Variants in PKHD1L1 observed in about 807,000 individuals in gnomAD.
PKHD1L1 encodes fibrocystin-L.
In PKHD1L1, 434 loss-of-function variants were observed where a neutral mutation model predicts 462.9. The ratio of observed to expected loss-of-function variants is 0.94; its 90% confidence interval spans 0.87 to 1.02. PKHD1L1 has a LOEUF of 1.02. Ranked by LOEUF, PKHD1L1 falls within the 50% of genes least tolerant of loss-of-function variation. The pLI, the probability that PKHD1L1 is intolerant of heterozygous loss-of-function variation, is 0.00. For synonymous variants in PKHD1L1, 1,781 were observed against 1,750.0 expected (o/e 1.02, Z -0.44); for missense variants, 5,202 against 5,096.1 (o/e 1.02, Z -0.63).
At chr8:109,477,164 T>C in intron 52 of PKHD1L1, 61 bp from the exon 53 acceptor site, 1 of 1,543,282 alleles carries the variant, frequency 6.5e-7, no homozygotes, top group South Asian at 1.2e-5. Flanking sequence ...TCCATAATTT[T>C]GTTTACATTC....
Position 109,408,130 on chromosome 8 carries a change from C to T in PKHD1L1, c.1895C>T (p.Pro632Leu), listed in dbSNP as rs768640088. The change falls in exon 18 of 78, where the codon CCC becomes CTC. Residue 632 changes from proline (P) to leucine (L), a missense_variant. Physicochemically the swap from Pro to Leu is moderately conservative, Grantham distance 98 (BLOSUM62 -3). Around this residue, in one of 3 missense-constraint regions of PKHD1L1, gnomAD observed 4,497 missense variants for 4,336.8 expected, o/e 1.04. Coordinates refer to ENST00000378402, the MANE Select transcript of PKHD1L1 (RefSeq NM_177531.6). The part of the protein sequence containing the change: ...LDITEQTKGK[P>L]NLETFTLNWD... Reference sequence around the variant, plus strand: ...ATTACAGAACAAACCAAAGGAAAACCCAACTTGGAGACATTCACACTGAAT... The same window carrying T: ...ATTACAGAACAAACCAAAGGAAAACTCAACTTGGAGACATTCACACTGAAT... The T allele has an allele frequency of 8.1e-6, 13 of 1,612,978 alleles. No homozygotes were observed. The Admixed American group carries it at 2.2e-4, about 27-fold the overall frequency.
At chr8:109,488,366 C>A (rs1818661176) in intron 59 of PKHD1L1, among the ~76,000 whole-genome samples, 1 of 151,970 alleles carries the variant, frequency 6.6e-6, no homozygotes, top group Non-Finnish European at 1.5e-5. Context: ...ACTCAGAATG[C>A]TCCATTATTG....
At position 109,534,461 on chromosome 8, in the gene PKHD1L1, CA is replaced by C. The variant is rs1167852422; in HGVS notation, c.*4382del. Among the ~76,000 whole-genome samples, 59 of 144,320 alleles carry C rather than the reference CA, an allele frequency of 4.1e-4. No individual in the cohort carries two copies. Among genetic ancestry groups the C allele is most frequent in the African/African-American group, 8.6e-4 (34 of 39,424 alleles). 94.7% of individuals were successfully genotyped at this position (144,320 alleles called of 152,430 possible). Reference sequence around the variant, plus strand: ...CTGGGTGACAGAGCGAGACACATCTCAAAAAAAAAAACCCAAAAAACTTTAA... The same window carrying C: ...CTGGGTGACAGAGCGAGACACATCTCAAAAAAAAAACCCAAAAAACTTTAA... On this transcript the variant is annotated 3_prime_UTR_variant, in exon 78 of 78. Transcript: ENST00000378402.
At position 109,464,482 on chromosome 8, in the gene PKHD1L1, C is replaced by T. The variant is rs758602334; in HGVS notation, c.7650C>T (p.Thr2550=). The T allele has an allele frequency of 2.5e-6, 4 of 1,613,670 alleles. No homozygotes were observed. Among genetic ancestry groups the T allele is most frequent in the East Asian group, 2.2e-5 (1 of 44,866 alleles). The change falls in exon 49 of 78, where the codon ACC becomes ACT. Residue 2550 remains threonine, a synonymous_variant. Coordinates refer to ENST00000378402, the MANE Select transcript of PKHD1L1 (RefSeq NM_177531.6). ...YNLAVFVQQS[T]SLLNDDVTPA... The stretch of plus-strand genomic sequence containing the variant: ...TGGCAGTATTTGTACAGCAAAGTAC[C>T]AGTCTTCTGAATGATGATGTGACCC...
chr8:109,502,485 G>T (rs1563616554), intron 67 of PKHD1L1, among the ~76,000 whole-genome samples: 1 of 152,158 alleles, frequency 6.6e-6, no homozygotes, highest in Non-Finnish European at 1.5e-5. Flanking sequence ...GGGTCCAAGT[G>T]GCTCTTCCCA....
chr8:109,528,432 TA>T (rs1820923988), intron 77 of PKHD1L1, among the ~76,000 whole-genome samples: 1 of 152,182 alleles, frequency 6.6e-6, no homozygotes, highest in Admixed American at 6.5e-5. Context: ...GCAAAAAATA[TA>T]ATCAACATCA....
rs539532161 is a variant in PKHD1L1, at chr8:109,527,612, A to G, written c.12721+592A>G. 2.6e-5 allele frequency among the ~76,000 whole-genome samples: 4 copies of G among 152,360 alleles called. No individual in the cohort carries two copies. The East Asian group carries it at 5.8e-4, about 22-fold the overall frequency. On this transcript the variant is annotated intron_variant, in intron 77 of 77. Coordinates refer to ENST00000378402, the MANE Select transcript of PKHD1L1 (RefSeq NM_177531.6). ...TGCAAGATGCAGATTCTTAGCTTGA[A>G]TTGATCTAGCTAGTAAAGTGATCAC...
At chr8:109,452,367 T>A in intron 42 of PKHD1L1, 87 bp downstream of exon 42, 1 of 1,214,678 alleles carries the variant, frequency 8.2e-7, no homozygotes, top group Non-Finnish European at 1.1e-6. Flanking sequence ...TGTTTTACTT[T>A]AATGTCTCCA....
At position 109,515,212 on chromosome 8, in the gene PKHD1L1, G is replaced by A; in HGVS notation, c.11596G>A (p.Asp3866Asn). Residue 3866 changes from aspartate to asparagine, a missense_variant, in exon 72 of 78, where the codon GAT (aspartate) becomes AAT (asparagine). Asp to Asn is a conservative substitution (Grantham distance 23, BLOSUM62 1). Coordinates refer to ENST00000378402, the MANE Select transcript of PKHD1L1 (RefSeq NM_177531.6). ...TTTCTTTTCCACACTTCAACGTTTG[G>A]ATGTCTATGTGAACAACTTATTGGT... ...GIFFSTLQRL[D>N]VYVNNLLVCP... The A allele has an allele frequency of 6.2e-7, 1 of 1,603,692 alleles. No homozygotes were observed. Among genetic ancestry groups the A allele is most frequent in the Non-Finnish European group, 8.5e-7 (1 of 1,174,268 alleles).
chr8:109,402,602 A>G (rs1813328876), intron 14 of PKHD1L1, among the ~76,000 whole-genome samples: 1 of 152,190 alleles, frequency 6.6e-6, no homozygotes, highest in Non-Finnish European at 1.5e-5. Flanking sequence ...ACACTCTGCA[A>G]TACTCTGTCT....
chr8:109,474,698 T>A (rs1817889357), intron 50 of PKHD1L1, among the ~76,000 whole-genome samples: 1 of 152,110 alleles, frequency 6.6e-6, no homozygotes, highest in Admixed American at 6.6e-5. Flanking sequence ...TCTGAATAAC[T>A]AAGTTCTTAA....
intron 17 of PKHD1L1, among the ~76,000 whole-genome samples, chr8:109,406,702 A>G (rs1399725306): frequency 9.9e-5 from 15 of 152,170 alleles, no homozygotes; most frequent in Non-Finnish European, 1.3e-4. Flanking sequence ...CGTTTTCCAT[A>G]TAATAGCCTA....
At chr8:109,509,035 A>G (rs1819842331) in intron 70 of PKHD1L1, among the ~76,000 whole-genome samples, 1 of 152,172 alleles carries the variant, frequency 6.6e-6, no homozygotes, top group African/African-American at 2.4e-5. Context: ...CTGAAAGTGT[A>G]CATAGCTTGG....
In PKHD1L1 at chr8:109,481,420, T is replaced by A. The variant is rs746822975; in HGVS notation, c.9328-13T>A. ...CAATTTTTAAGTATTAACAATTTTC[T>A]GCTTCATTTCAGGGAGGTAGATTAA... On this transcript the variant is annotated splice_polypyrimidine_tract_variant and intron_variant, in intron 55 of 77. Transcript: ENST00000378402. 6.4e-7 allele frequency: 1 copy of A among 1,567,278 alleles called. No homozygotes were observed.
At chr8:109,378,691 C>A (rs1177669717) in intron 2 of PKHD1L1, among the ~76,000 whole-genome samples, 1 of 152,154 alleles carries the variant, frequency 6.6e-6, no homozygotes, top group Non-Finnish European at 1.5e-5. Flanking sequence ...CTCTGGTAGG[C>A]AGAGCCATGA....
chr8:109,486,904 C>A, intron 59 of PKHD1L1, 83 bp downstream of exon 59: 1 of 1,306,132 alleles, frequency 7.7e-7, no homozygotes, highest in Non-Finnish European at 1.0e-6. Context: ...ATAATTCTCA[C>A]TTTTTTAATA....
chr8:109,454,396 CA>C, intron 44 of PKHD1L1, 150 bp downstream of exon 44: 1 of 659,148 alleles, frequency 1.5e-6, no homozygotes, highest in Non-Finnish European at 2.5e-6. Context: ...ATCCTTTATG[CA>C]AGGAGAAAAG....
rs1222119697 is a variant in PKHD1L1 at position 109,381,434 on chromosome 8, A to G, written c.228A>G (p.Gln76=). 3.8e-6 allele frequency: 6 copies of G among 1,584,006 alleles called. No homozygotes were observed. The highest frequency in any genetic ancestry group is 3.6e-5 in the Admixed American group (2 of 55,892). Residue 76 remains glutamine (Q), a synonymous_variant, in exon 3 of 78, where the codon CAA becomes CAG. Coordinates refer to ENST00000378402, the MANE Select transcript of PKHD1L1 (RefSeq NM_177531.6). ...ACGCTGAGTTGGGAAACAGTGTGCA[A>G]TTAATTTCTTCTTTCCAGTCAATTA... ...VDNAELGNSV[Q]LISSFQSITC... is the part of the protein sequence containing the mutation.
chr8:109,442,791 T>G (rs1388230994), intron 35 of PKHD1L1, among the ~76,000 whole-genome samples, 155 bp from the exon 36 acceptor site: 1 of 152,206 alleles, frequency 6.6e-6, no homozygotes, highest in Non-Finnish European at 1.5e-5. Context: ...ATAGCGAGTT[T>G]TCTTACTACA....
Sources: allele counts gnomAD v4.1 joint callset (sites outside exome capture counted in the v4.1 genomes callset), GRCh38; gene constraint gnomAD v4.1.1; regional missense constraint gnomAD v4.1.1; transcripts MANE v1.5; gene names NCBI Gene and HGNC (gene_info 2026-07-23, HGNC 2026-07-21).